Variants in LIMD1 observed in about 807,000 individuals in gnomAD.
LIMD1 encodes the protein LIM domain-containing protein 1.
LIMD1 carries 23 observed loss-of-function variants against 58.4 expected under a neutral mutation model. The observed-to-expected ratio is 0.39, with a 90% CI of 0.28 to 0.56. The LOEUF is 0.56. Among genes scored for constraint, LIMD1 ranks in the 20% least tolerant of loss-of-function variants. The pLI, the probability that LIMD1 is intolerant of heterozygous loss-of-function variation, is 0.57. For synonymous variants in LIMD1, 334 were observed against 345.5 expected, an observed-to-expected ratio of 0.97 and a Z score of 0.37; for missense variants, 838 against 855.5, an observed-to-expected ratio of 0.98 and a Z score of 0.25.
rs1701329458 is a variant in LIMD1 at position 45,595,055 on chromosome 3, A to G, written c.176A>G (p.Gln59Arg). Residue 59 changes from glutamine (Q) to arginine (R), a missense_variant, in exon 1 of 8, where the codon CAG becomes CGG. This residue lies in a region of LIMD1 where 659 missense variants were observed against 639.8 expected (regional missense o/e 1.03). Transcript: ENST00000273317. ...ATKMAKIHLQ[Q>R]QQQQLLQEET... is the part of the protein sequence containing the mutation. Reference sequence around the variant, plus strand: ...AAGATGGCCAAAATCCACCTCCAGCAGCAGCAGCAGCAGCTCCTGCAGGAG... The same window carrying G: ...AAGATGGCCAAAATCCACCTCCAGCGGCAGCAGCAGCAGCTCCTGCAGGAG... The G allele has an allele frequency of 2.5e-6, 4 of 1,613,430 alleles. No homozygotes were observed. The highest frequency in any genetic ancestry group is 3.4e-6 in the Non-Finnish European group (4 of 1,179,918).
intron 5 of LIMD1, 149 bp downstream of exon 5, chr3:45,672,969 G>A: frequency 2.4e-6 from 2 of 842,852 alleles, no homozygotes; most frequent in African/African-American, 1.7e-5. Flanking sequence ...GGGTACAGCA[G>A]GGACCTTGGG....
intron 1 of LIMD1, among the ~76,000 whole-genome samples, chr3:45,600,289 G>T (rs1701398388): frequency 6.6e-6 from 1 of 152,196 alleles, no homozygotes; most frequent in African/African-American, 2.4e-5. Flanking sequence ...TTCCTAGGTT[G>T]AACTGAAGGT....
chr3:45,668,151 T>G (rs1697542552), intron 3 of LIMD1, 143 bp from the exon 4 acceptor site: 9 of 639,970 alleles, frequency 1.4e-5, no homozygotes, highest in Non-Finnish European at 2.5e-5. Context: ...AGCCCACAGC[T>G]GTGTTGTACT....
At chr3:45,609,030 A>G (rs922570550) in intron 1 of LIMD1, among the ~76,000 whole-genome samples, 9 of 152,320 alleles carry the variant, frequency 5.9e-5, no homozygotes, top group African/African-American at 2.2e-4. Context: ...TATTTTGGTG[A>G]CAGTGCTACT....
intron 2 of LIMD1, among the ~76,000 whole-genome samples, chr3:45,660,616 A>G (rs1038392778): frequency 6.6e-6 from 1 of 152,008 alleles, no homozygotes; most frequent in African/African-American, 2.4e-5. Context: ...AGGTTTCGCC[A>G]TGTTGGCCAG....
At chr3:45,660,574 C>CA (rs1697420979) in intron 2 of LIMD1, among the ~76,000 whole-genome samples, 1 of 152,114 alleles carries the variant, frequency 6.6e-6, no homozygotes, top group Admixed American at 6.5e-5. Flanking sequence ...TGCCACCATG[C>CA]CAAGCTAATT....
intron 2 of LIMD1, among the ~76,000 whole-genome samples, chr3:45,639,537 A>T (rs1249112394): frequency 6.6e-6 from 1 of 152,158 alleles, no homozygotes; most frequent in Non-Finnish European, 1.5e-5. Context: ...GGGCACTCAT[A>T]TGGTAGAAGG....
chr3:45,651,870 G>A (rs898208223), intron 2 of LIMD1, among the ~76,000 whole-genome samples: 99 of 152,152 alleles, frequency 6.5e-4, no homozygotes, highest in African/African-American at 2.3e-3. Flanking sequence ...GACCTCAGGT[G>A]ATCCACCTGC....
Position 45,639,921 on chromosome 3 carries a change from C to T in LIMD1, c.1510+3670C>T, listed in dbSNP as rs568137318. On this transcript the variant is annotated intron_variant, in intron 2 of 7. Coordinates refer to ENST00000273317, the MANE Select transcript of LIMD1 (RefSeq NM_014240.3). ...CAGGTGATCTACCCGCCTCAGCTTCCCAAAATGCTGGGATTACAGGCGTGA... is the reference window on the plus strand; with the variant it reads ...CAGGTGATCTACCCGCCTCAGCTTCTCAAAATGCTGGGATTACAGGCGTGA... Among the ~76,000 whole-genome samples, 5 of 152,344 alleles carry T rather than the reference C, an allele frequency of 3.3e-5. No individual in the cohort carries two copies. In the South Asian group the frequency reaches 1.0e-3, roughly 32 times the overall value.
Position 45,668,367 on chromosome 3 carries a change from C to T in LIMD1, c.1641+11C>T. On this transcript the variant is annotated intron_variant, in intron 4 of 7. Transcript: ENST00000273317. ...CTGATCATGGACATGGTGAGTAGGT[C>T]AGCCAAAGAAGAGAACAGCATCTCA... is the stretch of plus-strand genomic sequence containing the variant. The T allele has an allele frequency of 6.2e-7, 1 of 1,607,892 alleles. No homozygotes were observed. The highest frequency in any genetic ancestry group is 8.5e-7 in the Non-Finnish European group (1 of 1,175,074).
At chr3:45,636,990 A>G (rs1701795693) in intron 2 of LIMD1, among the ~76,000 whole-genome samples, 2 of 152,176 alleles carry the variant, frequency 1.3e-5, no homozygotes, top group Non-Finnish European at 2.9e-5. Flanking sequence ...AAAATGTCCT[A>G]CTTATATTCT....
chr3:45,596,270 C>T lies in LIMD1; in HGVS notation c.1391C>T (p.Pro464Leu), dbSNP rs761310540. ...QRLEREMDAHPKADYFGACVK... is the reference protein window; with the variant it reads ...QRLEREMDAHLKADYFGACVK... ...CTGGAGCGAGAGATGGATGCTCACC[C>T]GAAGGCTGATTACTTTGGTGAGTGA... The change falls in exon 1 of 8, where the codon CCG becomes CTG. Residue 464 changes from proline to leucine, a missense_variant. Physicochemically the swap from Pro to Leu is moderately conservative, Grantham distance 98. Around this residue, in one of 3 missense-constraint regions of LIMD1, gnomAD observed 659 missense variants for 639.8 expected, o/e 1.03. Coordinates refer to ENST00000273317, the MANE Select transcript of LIMD1 (RefSeq NM_014240.3). The T allele has an allele frequency of 1.7e-5, 28 of 1,603,926 alleles. No individual in the cohort carries two copies. The highest frequency in any genetic ancestry group is 2.2e-5 in the East Asian group (1 of 44,632).
chr3:45,662,221 G>A (rs1263645228), intron 2 of LIMD1, among the ~76,000 whole-genome samples: 2 of 152,040 alleles, frequency 1.3e-5, no homozygotes, highest in Admixed American at 6.6e-5. Flanking sequence ...CTGTCATACA[G>A]TATAGATGTT....
intron 1 of LIMD1, among the ~76,000 whole-genome samples, chr3:45,627,608 T>C (rs1701678694): frequency 6.8e-6 from 1 of 147,782 alleles, no homozygotes; most frequent in Non-Finnish European, 1.5e-5. Flanking sequence ...TTGGTCAACA[T>C]AGCGAGAACC....
chr3:45,676,617 T>C (rs1697675848), intron 7 of LIMD1, among the ~76,000 whole-genome samples: 1 of 152,266 alleles, frequency 6.6e-6, no homozygotes, highest in Non-Finnish European at 1.5e-5. Flanking sequence ...TCCATGTCCC[T>C]GCAAAGGACA....
intron 7 of LIMD1, 154 bp downstream of exon 7, chr3:45,674,565 G>A (rs1697642626): frequency 4.9e-6 from 3 of 615,948 alleles, no homozygotes; most frequent in Non-Finnish European, 8.9e-6. Flanking sequence ...CTGGTTCTTG[G>A]GGGAGGTAGG....
intron 2 of LIMD1, among the ~76,000 whole-genome samples, chr3:45,637,001 C>T (rs1701795864): frequency 6.6e-6 from 1 of 152,190 alleles, no homozygotes; most frequent in African/African-American, 2.4e-5. Context: ...CTTATATTCT[C>T]AATCCTATAC....
chr3:45,639,812 G>A (rs1010413824), intron 2 of LIMD1, among the ~76,000 whole-genome samples: 8 of 152,120 alleles, frequency 5.3e-5, no homozygotes, highest in African/African-American at 1.4e-4. Flanking sequence ...ACAGCCATGC[G>A]CCACCAAACC....
chr3:45,596,150 C>A lies in LIMD1; in HGVS notation c.1271C>A (p.Ser424Tyr), dbSNP rs1361111384. 6.2e-7 allele frequency: 1 copy of A among 1,614,028 alleles called. No individual in the cohort carries two copies. The highest frequency in any genetic ancestry group is 8.5e-7 in the Non-Finnish European group (1 of 1,180,032). ...TCTGTGCTCCTGGACAGCCCCAGCT[C>A]CCCTAGGGTAAGGCTGCCCTGCCAG... ...LGSVLLDSPSSPRVRLPCQPL... is the reference protein window; with the variant it reads ...LGSVLLDSPSYPRVRLPCQPL... The change falls in exon 1 of 8, where the codon TCC becomes TAC. Residue 424 changes from serine to tyrosine, a missense_variant. By Grantham distance (144) the Ser-to-Tyr change is moderately radical. Around this residue, in one of 3 missense-constraint regions of LIMD1, gnomAD observed 659 missense variants for 639.8 expected, o/e 1.03. Transcript: ENST00000273317.
Sources: allele counts gnomAD v4.1 joint callset (sites outside exome capture counted in the v4.1 genomes callset), GRCh38; gene constraint gnomAD v4.1.1; regional missense constraint gnomAD v4.1.1; transcripts MANE v1.5; gene names NCBI Gene and HGNC (gene_info 2026-07-23, HGNC 2026-07-21).